SPIDR: variants seen among roughly 807,000 people sequenced by gnomAD.
SPIDR encodes the protein scaffold protein involved in DNA repair.
In SPIDR, 93 loss-of-function variants were observed where a neutral mutation model predicts 104.6. The observed-to-expected ratio is 0.89, with a 90% CI of 0.75 to 1.06. The LOEUF is 1.06. SPIDR is among the 50% of genes least tolerant of loss of function. The pLI, the probability that SPIDR is intolerant of heterozygous loss-of-function variation, is 0.00. For missense variants in SPIDR, 1,154 were observed against 1,111.2 expected (o/e 1.04, Z -0.55); for synonymous variants, 431 against 416.9 (o/e 1.03, Z -0.41).
chr8:47,367,278 G>A (rs2057352935), intron 5 of SPIDR, among the ~76,000 whole-genome samples: 1 of 152,226 alleles, frequency 6.6e-6, no homozygotes, highest in African/African-American at 2.4e-5. Context: ...AGGAAACAGG[G>A]ACCTCAGTCC....
chr8:47,705,900 CAAA>C (rs765811477), intron 14 of SPIDR, among the ~76,000 whole-genome samples: 1 of 102,436 alleles, frequency 9.8e-6, no homozygotes. Flanking sequence ...GACCCTGTCT[CAAA>C]AAAAAAAAAA....
chr8:47,659,837 G>A (rs1210057651), intron 10 of SPIDR: 1 of 621,184 alleles, frequency 1.6e-6, no homozygotes, highest in Non-Finnish European at 2.0e-6. Flanking sequence ...ATCTTTAGAG[G>A]CTGCTTAAGT....
intron 10 of SPIDR, among the ~76,000 whole-genome samples, chr8:47,645,791 AG>A (rs1378454279): frequency 1.3e-5 from 2 of 152,236 alleles, no homozygotes; most frequent in African/African-American, 4.8e-5. Flanking sequence ...ACAGTAGGTT[AG>A]CCATCTGGAA....
At chr8:47,430,910 AAAG>A (rs1322381555) in intron 7 of SPIDR, among the ~76,000 whole-genome samples, 1 of 152,230 alleles carries the variant, frequency 6.6e-6, no homozygotes, top group African/African-American at 2.4e-5. Flanking sequence ...AGTTTTCAAG[AAAG>A]AAGAACTCGT....
intron 8 of SPIDR, among the ~76,000 whole-genome samples, chr8:47,467,941 C>A (rs553805614): frequency 6.6e-6 from 1 of 152,238 alleles, no homozygotes; most frequent in Admixed American, 6.5e-5. Flanking sequence ...AAGACATGAT[C>A]CTCTATCTAG....
chr8:47,729,601 G>A, intron 19 of SPIDR, 136 bp downstream of exon 19: 1 of 942,394 alleles, frequency 1.1e-6, no homozygotes, highest in Non-Finnish European at 1.6e-6. Flanking sequence ...AGACACTCGA[G>A]AGTGAAATGC....
chr8:47,476,722 T>A (rs2076334579), intron 8 of SPIDR, among the ~76,000 whole-genome samples: 1 of 152,216 alleles, frequency 6.6e-6, no homozygotes, highest in Non-Finnish European at 1.5e-5. Flanking sequence ...TGTTTAAAAA[T>A]TGATTTTAAT....
chr8:47,603,931 A>G (rs1419131170), intron 10 of SPIDR, among the ~76,000 whole-genome samples: 3 of 152,010 alleles, frequency 2.0e-5, no homozygotes, highest in Non-Finnish European at 4.4e-5. Context: ...CCTTTGCTTT[A>G]TTCTCATGTT....
chr8:47,576,751 A>G (rs776625577), intron 8 of SPIDR, among the ~76,000 whole-genome samples: 1 of 152,246 alleles, frequency 6.6e-6, no homozygotes, highest in Admixed American at 6.5e-5. Flanking sequence ...TCATTTTTAT[A>G]AAGCAGTCTA....
chr8:47,605,889 G>A (rs1210584735), intron 10 of SPIDR, among the ~76,000 whole-genome samples: 3 of 152,166 alleles, frequency 2.0e-5, no homozygotes, highest in Non-Finnish European at 2.9e-5. Flanking sequence ...ACAAGCTATC[G>A]CATTACAAAT....
chr8:47,603,946 A>C (rs922121319), intron 10 of SPIDR, among the ~76,000 whole-genome samples: 1 of 151,888 alleles, frequency 6.6e-6, no homozygotes, highest in Admixed American at 6.6e-5. Flanking sequence ...CATGTTGTAT[A>C]TTTATTCCTT....
At chr8:47,688,256 G>T (rs1414087153) in intron 11 of SPIDR, among the ~76,000 whole-genome samples, 3 of 152,074 alleles carry the variant, frequency 2.0e-5, no homozygotes. Flanking sequence ...CCTAGTAGCT[G>T]GGACTACAGG....
At chr8:47,405,771 CT>C (rs1284609217) in intron 6 of SPIDR, among the ~76,000 whole-genome samples, 3 of 152,138 alleles carry the variant, frequency 2.0e-5, no homozygotes, top group Non-Finnish European at 2.9e-5. Context: ...CCTTCCTGAA[CT>C]TTTGGTATGA....
At chr8:47,663,650 T>C (rs1432049867) in intron 10 of SPIDR, among the ~76,000 whole-genome samples, 1 of 152,240 alleles carries the variant, frequency 6.6e-6, no homozygotes, top group African/African-American at 2.4e-5. Flanking sequence ...TCATTTCTTG[T>C]GTTCAAGCAA....
At chr8:47,635,095 A>G (rs1352899546) in intron 10 of SPIDR, among the ~76,000 whole-genome samples, 3 of 152,100 alleles carry the variant, frequency 2.0e-5, no homozygotes, top group Non-Finnish European at 4.4e-5. Flanking sequence ...AGATATAGTT[A>G]TAGGCTGAGT....
chr8:47,412,287 G>A (rs2063644125), intron 7 of SPIDR, among the ~76,000 whole-genome samples: 1 of 152,168 alleles, frequency 6.6e-6, no homozygotes, highest in Non-Finnish European at 1.5e-5. Flanking sequence ...CTACCCATGA[G>A]CATTTAATGT....
intron 8 of SPIDR, among the ~76,000 whole-genome samples, chr8:47,485,435 T>C (rs1212896789): frequency 2.6e-5 from 4 of 152,206 alleles, no homozygotes; most frequent in Non-Finnish European, 4.4e-5. Context: ...GGGCAGGGCA[T>C]AGCCAAACAA....
intron 7 of SPIDR, among the ~76,000 whole-genome samples, chr8:47,428,282 T>C (rs2066770597): frequency 6.6e-6 from 1 of 152,236 alleles, no homozygotes; most frequent in South Asian, 2.1e-4. Flanking sequence ...CAAAGAATCC[T>C]GTGTAGATAC....
chr8:47,431,762 A>G (rs1005995513), intron 7 of SPIDR, among the ~76,000 whole-genome samples: 5 of 152,176 alleles, frequency 3.3e-5, no homozygotes, highest in African/African-American at 4.8e-5. Context: ...AACTGGTGAA[A>G]AGGCAAAAAA....
Sources: allele counts gnomAD v4.1 joint callset (sites outside exome capture counted in the v4.1 genomes callset), GRCh38; gene constraint gnomAD v4.1.1; transcripts MANE v1.5; gene names NCBI Gene and HGNC (gene_info 2026-07-23, HGNC 2026-07-21).